Variants in NKAPD1 observed in about 807,000 individuals in gnomAD.
NKAPD1 encodes the protein uncharacterized protein NKAPD1.
In NKAPD1, 12 loss-of-function variants were observed where a neutral mutation model predicts 30.9. The observed-to-expected ratio is 0.39, with a 90% CI of 0.25 to 0.63. NKAPD1 has a LOEUF of 0.63. Among genes scored for constraint, NKAPD1 ranks in the 20% least tolerant of loss-of-function variants. The pLI is 0.51. For missense variants in NKAPD1, 311 were observed against 344.5 expected (o/e 0.90, Z 0.77); for synonymous variants, 91 against 113.6 (o/e 0.80, Z 1.26).
Position 112,074,770 on chromosome 11 carries a change from A to G in NKAPD1, c.-155A>G. 3.0e-6 allele frequency: 1 copy of G among 334,754 alleles called. No homozygotes were observed. Among genetic ancestry groups the G allele is most frequent in the Non-Finnish European group, 5.4e-6 (1 of 185,780 alleles). 20.7% of individuals were successfully genotyped at this position (334,754 alleles called of 1,614,324 possible). A position where few individuals can be genotyped will look rare whatever the true frequency, so the allele number is the denominator to read the frequency against. Reference sequence around the variant, plus strand: ...AGGTGAGGGCAGAGTAACCAGTGGGAAGGCTGCGTTTTCACGAAGGACTCG... The same window carrying G: ...AGGTGAGGGCAGAGTAACCAGTGGGGAGGCTGCGTTTTCACGAAGGACTCG... On this transcript the variant is annotated 5_prime_UTR_variant, in exon 1 of 6. Coordinates refer to ENST00000393047, the MANE Select transcript of NKAPD1 (RefSeq NM_018195.4).
intron 4 of NKAPD1, 120 bp from the exon 5 acceptor site, chr11:112,081,862 A>G (rs1190784437): frequency 1.3e-5 from 10 of 763,396 alleles, no homozygotes; most frequent in South Asian, 1.2e-4. Context: ...TGGTTCTACC[A>G]TATCTCTACT....
At chr11:112,081,343 T>G (rs1865448555) in intron 4 of NKAPD1, 2 of 136,166 alleles carry the variant, frequency 1.5e-5, no homozygotes, top group Admixed American at 7.5e-5. Context: ...AAGAAAAAAA[T>G]AATAATAAGG....
chr11:112,078,204 A>T lies in NKAPD1; in HGVS notation c.70-11A>T, dbSNP rs764840636. On this transcript the variant is annotated splice_polypyrimidine_tract_variant and intron_variant, in intron 2 of 5. Coordinates refer to ENST00000393047, the MANE Select transcript of NKAPD1 (RefSeq NM_018195.4). ...AGTAACTTATTTTTATTTCCTTTTT[A>T]AAAATTCTAGATTCAGGAGGAATCA... is the stretch of plus-strand genomic sequence containing the variant. The T allele has an allele frequency of 1.9e-6, 3 of 1,565,252 alleles. No individual in the cohort carries two copies. The highest frequency in any genetic ancestry group is 1.7e-6 in the Non-Finnish European group (2 of 1,154,142).
In NKAPD1 at chr11:112,082,913, C is replaced by T. The variant is rs368315610; in HGVS notation, c.823C>T (p.Arg275Cys). The T allele has an allele frequency of 9.3e-6, 15 of 1,607,558 alleles. No individual in the cohort carries two copies. Among genetic ancestry groups the T allele is most frequent in the Middle Eastern group, 1.7e-4 (1 of 6,016 alleles). ...NNEIQERTNK[R>C]TNWKVATDER... Reference sequence around the variant, plus strand: ...TGAAATACAGGAGAGGACAAACAAACGCACAAATTGGAAAGTAGCTACAGA... The same window carrying T: ...TGAAATACAGGAGAGGACAAACAAATGCACAAATTGGAAAGTAGCTACAGA... Residue 275 changes from arginine to cysteine, a missense_variant, in exon 6 of 6, where the codon CGC becomes TGC. Physicochemically the swap from Arg to Cys is radical, Grantham distance 180. Coordinates refer to ENST00000393047, the MANE Select transcript of NKAPD1 (RefSeq NM_018195.4).
intron 2 of NKAPD1, among the ~76,000 whole-genome samples, chr11:112,077,854 T>A (rs1447558014): frequency 6.6e-6 from 1 of 151,586 alleles, no homozygotes; most frequent in Non-Finnish European, 1.5e-5. Flanking sequence ...TTTTTTTTTC[T>A]TTTTTTGTTG....
chr11:112,082,479 A>G lies in NKAPD1; in HGVS notation c.389A>G (p.Asp130Gly), dbSNP rs201701818. The change falls in exon 6 of 6, where the codon GAT (aspartate) becomes GGT (glycine). Residue 130 changes from aspartate (D) to glycine (G), a missense_variant. By Grantham distance (94) the Asp-to-Gly change is moderately conservative. Coordinates refer to ENST00000393047, the MANE Select transcript of NKAPD1 (RefSeq NM_018195.4). ...EFETDSSDQQ[D>G]ITNGKKTSPQ... Reference sequence around the variant, plus strand: ...TTTCTTATTAGTAGTGATCAGCAAGATATTACCAACGGGAAGAAAACATCT... The same window carrying G: ...TTTCTTATTAGTAGTGATCAGCAAGGTATTACCAACGGGAAGAAAACATCT... 2.2e-4 allele frequency: 345 copies of G among 1,582,614 alleles called. 1 individual carries two copies. The highest frequency in any genetic ancestry group is 2.5e-4 in the Non-Finnish European group (297 of 1,171,426).
chr11:112,078,885 A>C (rs908524926), intron 3 of NKAPD1, among the ~76,000 whole-genome samples: 1 of 152,074 alleles, frequency 6.6e-6, no homozygotes, highest in Non-Finnish European at 1.5e-5. Flanking sequence ...CACCCTCTTC[A>C]CCAGATCAAC....
intron 3 of NKAPD1, among the ~76,000 whole-genome samples, chr11:112,078,957 A>T (rs974159809): frequency 6.6e-6 from 1 of 152,200 alleles, no homozygotes; most frequent in African/African-American, 2.4e-5. Flanking sequence ...AGGCTTAGTT[A>T]TCTTCCTTGT....
chr11:112,080,579 A>T (rs1291950260), intron 4 of NKAPD1, 21 bp downstream of exon 4: 2 of 1,609,646 alleles, frequency 1.2e-6, no homozygotes, highest in African/African-American at 2.7e-5. Flanking sequence ...AATTCCTGTG[A>T]GCATTAATAT....
chr11:112,084,516 G>A lies in NKAPD1; in HGVS notation c.*1544G>A, dbSNP rs1865533893. 6.6e-6 allele frequency: 1 copy of A among 152,558 alleles called. No individual in the cohort carries two copies. The highest frequency in any genetic ancestry group is 1.5e-5 in the Non-Finnish European group (1 of 68,016). 9.5% of individuals were successfully genotyped at this position (152,558 alleles called of 1,614,324 possible). Reference sequence around the variant, plus strand: ...ATTTTTATTTTTGGGATTAGTGGGGGTCTAAAGGGAGAAGAATAGTCTCTA... The same window carrying A: ...ATTTTTATTTTTGGGATTAGTGGGGATCTAAAGGGAGAAGAATAGTCTCTA... On this transcript the variant is annotated 3_prime_UTR_variant, in exon 6 of 6. Transcript: ENST00000393047.
At position 112,083,164 on chromosome 11, in the gene NKAPD1, C is replaced by T; in HGVS notation, c.*192C>T. The T allele has an allele frequency of 1.9e-6, 1 of 520,246 alleles. No individual in the cohort carries two copies. Among genetic ancestry groups the T allele is most frequent in the East Asian group, 3.1e-5 (1 of 32,258 alleles). The allele number at this position is 520,246 out of a possible 1,614,324, so 32.2% of individuals were successfully genotyped here. ...TCCCCTTTTCTTGTTAAAAGGGAAT[C>T]TGGTATTTTGTTATGAAGGTTTCTT... On this transcript the variant is annotated 3_prime_UTR_variant, in exon 6 of 6. Coordinates refer to ENST00000393047, the MANE Select transcript of NKAPD1 (RefSeq NM_018195.4).
chr11:112,082,630 A>G lies in NKAPD1; in HGVS notation c.540A>G (p.Ile180Met). The change falls in exon 6 of 6, where the codon ATA (isoleucine) becomes ATG (methionine). Residue 180 changes from isoleucine to methionine, a missense_variant. By Grantham distance (10) the Ile-to-Met change is conservative. Coordinates refer to ENST00000393047, the MANE Select transcript of NKAPD1 (RefSeq NM_018195.4). ...QKKSKKEATDITADSSSEFSE... is the reference protein window; with the variant it reads ...QKKSKKEATDMTADSSSEFSE... ...AAAGCAAAAAGGAAGCCACAGATAT[A>G]ACAGCAGATTCCTCGAGTGAGTTCT... is the stretch of plus-strand genomic sequence containing the variant. 2.5e-6 allele frequency: 4 copies of G among 1,613,924 alleles called. No individual in the cohort carries two copies. Among genetic ancestry groups the G allele is most frequent in the Non-Finnish European group, 2.5e-6 (3 of 1,180,010 alleles).
In NKAPD1 at chr11:112,083,593, G is replaced by A. The variant is rs184242653; in HGVS notation, c.*621G>A. 1.3e-5 allele frequency: 2 copies of A among 152,752 alleles called. No individual in the cohort carries two copies. Among genetic ancestry groups the A allele is most frequent in the African/African-American group, 4.8e-5 (2 of 41,560 alleles). The allele number at this position is 152,752 out of a possible 1,614,324, so 9.5% of individuals were successfully genotyped here. The stretch of plus-strand genomic sequence containing the variant: ...GTTTTTGCAAATTTCCCTGCTGGAT[G>A]GGGCCTATAGCTATACTTAGTATAT... On this transcript the variant is annotated 3_prime_UTR_variant, in exon 6 of 6. Transcript: ENST00000393047.
chr11:112,079,140 A>AGTT (rs1204439629), intron 3 of NKAPD1, among the ~76,000 whole-genome samples: 1 of 91,252 alleles, frequency 1.1e-5, no homozygotes. Context: ...AGGCCCTTAC[A>AGTT]ATTTTTTTTT....
intron 1 of NKAPD1, 45 bp from the exon 2 acceptor site, chr11:112,075,522 A>G (rs878867812): frequency 7.7e-6 from 11 of 1,426,452 alleles, no homozygotes; most frequent in Non-Finnish European, 1.1e-5. Flanking sequence ...AAGATAAAGT[A>G]ATAACAGAAA....
At chr11:112,077,696 TG>T (rs1865358080) in intron 2 of NKAPD1, among the ~76,000 whole-genome samples, 1 of 152,198 alleles carries the variant, frequency 6.6e-6, no homozygotes. Flanking sequence ...AAAATTCTAT[TG>T]GGGAAGATTT....
At chr11:112,075,295 G>T (rs1368558352) in intron 1 of NKAPD1, among the ~76,000 whole-genome samples, 1 of 152,154 alleles carries the variant, frequency 6.6e-6, no homozygotes, top group African/African-American at 2.4e-5. Flanking sequence ...TAGTTATGAG[G>T]ATTAAATAAA....
At chr11:112,076,560 G>A (rs1048535809) in intron 2 of NKAPD1, among the ~76,000 whole-genome samples, 3 of 152,156 alleles carry the variant, frequency 2.0e-5, no homozygotes, top group Admixed American at 6.6e-5. Context: ...CTGACTGAAA[G>A]CCATAGCGAT....
At chr11:112,078,163 A>T in intron 2 of NKAPD1, 52 bp from the exon 3 acceptor site, 1 of 1,384,426 alleles carries the variant, frequency 7.2e-7, no homozygotes. Context: ...CTTTTCTGTA[A>T]TGTAAAGTTA....
Sources: gnomAD v4.1 joint callset for allele counts (sites outside exome capture counted in the v4.1 genomes callset) on GRCh38, gnomAD v4.1.1 for gene constraint, MANE v1.5 for transcripts, NCBI Gene and HGNC (gene_info 2026-07-23, HGNC 2026-07-21) for gene names.